The following FGF14 variants were observed in gnomAD, a reference collection of about 807,000 sequenced individuals.
FGF14 encodes fibroblast growth factor 14, also known as fibroblast growth factor homologous factor 4.
A neutral mutation model predicts 25.5 loss-of-function variants in FGF14; 5 were observed. That is an observed-to-expected ratio of 0.20 (90% CI 0.10 to 0.41). FGF14 has a LOEUF of 0.41. Among genes scored for constraint, FGF14 ranks in the 10% least tolerant of loss-of-function variants. The pLI is 1.00. For missense variants in FGF14, 222 were observed against 320.1 expected (o/e 0.69, Z 2.34); for synonymous variants, 138 against 118.3 (o/e 1.17, Z -1.08).
intron 1 of FGF14, among the ~76,000 whole-genome samples, chr13:102,228,053 G>A (rs2050908654): frequency 6.6e-6 from 1 of 152,124 alleles, no homozygotes; most frequent in Admixed American, 6.6e-5. Flanking sequence ...GAACGTTTAT[G>A]TTGACCAACA....
intron 1 of FGF14, among the ~76,000 whole-genome samples, chr13:102,328,536 G>A (rs540643526): frequency 1.3e-5 from 2 of 152,136 alleles, no homozygotes; most frequent in Non-Finnish European, 2.9e-5. Flanking sequence ...TCTAGACTGT[G>A]AACTCCTCAA....
chr13:102,115,849 T>C (rs685765), intron 1 of FGF14, among the ~76,000 whole-genome samples: 80,597 of 151,688 alleles, frequency 0.53, 22,800 homozygotes, highest in East Asian at 0.75. Context: ...TGGCGGCTCA[T>C]GCCTGTAATC....
At chr13:101,947,806 G>A (rs994295237) in intron 1 of FGF14, among the ~76,000 whole-genome samples, 2 of 151,994 alleles carry the variant, frequency 1.3e-5, no homozygotes, top group African/African-American at 2.4e-5. Flanking sequence ...TAACAAACCT[G>A]TACATGTACC....
At chr13:102,075,109 C>G (rs1434191658) in intron 1 of FGF14, among the ~76,000 whole-genome samples, 1 of 152,018 alleles carries the variant, frequency 6.6e-6, no homozygotes, top group Non-Finnish European at 1.5e-5. Flanking sequence ...AAAAGGCATC[C>G]AAGACAGAGA....
intron 1 of FGF14, among the ~76,000 whole-genome samples, chr13:102,287,598 T>C (rs2054170495): frequency 6.6e-6 from 1 of 152,206 alleles, no homozygotes; most frequent in Non-Finnish European, 1.5e-5. Context: ...GAAAATACCT[T>C]AGTTGATCAA....
chr13:102,158,543 G>A (rs1344054494), intron 1 of FGF14, among the ~76,000 whole-genome samples: 2 of 148,086 alleles, frequency 1.4e-5, no homozygotes, highest in Non-Finnish European at 3.0e-5. Context: ...GCGGGGGGGG[G>A]ATACATTAGG....
At chr13:101,896,698 T>C (rs568148094) in intron 1 of FGF14, among the ~76,000 whole-genome samples, 8 of 152,310 alleles carry the variant, frequency 5.3e-5, no homozygotes, top group African/African-American at 1.9e-4. Flanking sequence ...AGGGCATATG[T>C]GTACCTACAT....
At chr13:102,113,252 C>A (rs938201712) in intron 1 of FGF14, among the ~76,000 whole-genome samples, 2 of 152,256 alleles carry the variant, frequency 1.3e-5, no homozygotes, top group South Asian at 4.1e-4. Flanking sequence ...CAAGAGGAAC[C>A]ACCTTCCTGA....
chr13:101,732,083 C>T (rs1444646218), intron 3 of FGF14, among the ~76,000 whole-genome samples: 1 of 152,068 alleles, frequency 6.6e-6, no homozygotes, highest in African/African-American at 2.4e-5. Context: ...ACTTGGATTG[C>T]ACATATTTTC....
chr13:101,850,245 C>G (rs1314832691), intron 3 of FGF14, among the ~76,000 whole-genome samples: 1 of 124,316 alleles, frequency 8.0e-6, no homozygotes, highest in Non-Finnish European at 1.6e-5. Context: ...ACCAGCCTGG[C>G]CAACATGGTG....
At chr13:101,844,290 A>T (rs2043337304) in intron 3 of FGF14, among the ~76,000 whole-genome samples, 1 of 152,078 alleles carries the variant, frequency 6.6e-6, no homozygotes, top group Non-Finnish European at 1.5e-5. Context: ...TACTACTTAT[A>T]CAGAGATCAC....
intron 1 of FGF14, among the ~76,000 whole-genome samples, chr13:102,291,070 T>C (rs1414442669): frequency 6.6e-6 from 1 of 152,212 alleles, no homozygotes; most frequent in African/African-American, 2.4e-5. Flanking sequence ...GGAGCAATAG[T>C]ATTTTATAGC....
At chr13:102,236,417 T>C (rs1391350835) in intron 1 of FGF14, among the ~76,000 whole-genome samples, 1 of 152,054 alleles carries the variant, frequency 6.6e-6, no homozygotes, top group Non-Finnish European at 1.5e-5. Context: ...TTGCTTGCAG[T>C]AAATAGCCCA....
At chr13:102,141,719 CTATT>C (rs1336200411) in intron 1 of FGF14, among the ~76,000 whole-genome samples, 1 of 152,052 alleles carries the variant, frequency 6.6e-6, no homozygotes, top group Non-Finnish European at 1.5e-5. Flanking sequence ...TGAGTTAACA[CTATT>C]TAGTTATTTG....
intron 2 of FGF14, among the ~76,000 whole-genome samples, chr13:101,871,969 C>A (rs1212738908): frequency 6.6e-6 from 1 of 151,956 alleles, no homozygotes; most frequent in Non-Finnish European, 1.5e-5. Context: ...ACAGGGGCAC[C>A]AACGTTTGCC....
chr13:101,796,770 C>A (rs2040547263), intron 3 of FGF14, among the ~76,000 whole-genome samples: 1 of 151,918 alleles, frequency 6.6e-6, no homozygotes, highest in African/African-American at 2.4e-5. Context: ...TTCCAGCCTC[C>A]AAAACTGTGA....
intron 1 of FGF14, among the ~76,000 whole-genome samples, chr13:101,928,895 A>G (rs1220133758): frequency 6.6e-6 from 1 of 151,996 alleles, no homozygotes; most frequent in African/African-American, 2.4e-5. Context: ...CTATGCAGCT[A>G]TACATACTAT....
At chr13:102,059,584 C>A (rs1186651526) in intron 1 of FGF14, among the ~76,000 whole-genome samples, 1 of 152,246 alleles carries the variant, frequency 6.6e-6, no homozygotes, top group Non-Finnish European at 1.5e-5. Flanking sequence ...GGCACAGTGA[C>A]TCACGCCTGT....
chr13:101,787,588 C>T (rs2039917442), intron 3 of FGF14, among the ~76,000 whole-genome samples: 2 of 152,158 alleles, frequency 1.3e-5, no homozygotes, highest in Admixed American at 1.3e-4. Flanking sequence ...GAGAAACTCC[C>T]TGTGCTTTCT....
Sources: gnomAD v4.1 joint callset for allele counts (sites outside exome capture counted in the v4.1 genomes callset) on GRCh38, gnomAD v4.1.1 for gene constraint, MANE v1.5 for transcripts, NCBI Gene and HGNC (gene_info 2026-07-23, HGNC 2026-07-21) for gene names.